ULK4: variants seen among roughly 807,000 people sequenced by gnomAD.
ULK4 encodes inactive serine/threonine-protein kinase ULK4.
A neutral mutation model predicts 160.6 loss-of-function variants in ULK4; 133 were observed. The observed-to-expected ratio is 0.83, with a 90% confidence interval of 0.72 to 0.96. ULK4 has a LOEUF of 0.96. Among genes scored for constraint, ULK4 ranks in the 40% least tolerant of loss-of-function variants. The pLI is 0.00. For missense variants in ULK4, 1,580 were observed against 1,499.5 expected (o/e 1.05, Z -0.89); for synonymous variants, 534 against 539.8 (o/e 0.99, Z 0.15).
At chr3:41,896,758 G>C (rs1297615895) in intron 15 of ULK4, 64 bp downstream of exon 15, 2 of 1,472,780 alleles carry the variant, frequency 1.4e-6, no homozygotes, top group South Asian at 1.4e-5. Flanking sequence ...TGTTATTTTA[G>C]CACTTGTTTG....
chr3:41,448,659 G>A (rs910957419), intron 34 of ULK4, among the ~76,000 whole-genome samples: 24 of 152,246 alleles, frequency 1.6e-4, no homozygotes, highest in African/African-American at 5.8e-4. Context: ...GCAGGAGGAT[G>A]GTGGTGACCT....
At chr3:41,737,345 C>G (rs777793997) in intron 22 of ULK4, among the ~76,000 whole-genome samples, 1 of 151,968 alleles carries the variant, frequency 6.6e-6, no homozygotes, top group South Asian at 2.1e-4. Flanking sequence ...CTACAAACCA[C>G]TGCTCAATGA....
chr3:41,907,826 A>C lies in ULK4; in HGVS notation c.1182+19T>G. 1 of 1,515,350 alleles carries C rather than the reference A, an allele frequency of 6.6e-7. No homozygotes were observed. Among genetic ancestry groups the C allele is most frequent in the East Asian group, 2.4e-5 (1 of 41,276 alleles). 93.9% of individuals were successfully genotyped at this position (1,515,350 alleles called of 1,614,324 possible). ...CTTCTACATCTTATGTAGGAAGAAA[A>C]TTTCCCAAGTCTGCTCACCTTGGTC... On this transcript the variant is annotated intron_variant, in intron 12 of 36. Coordinates refer to ENST00000301831, the MANE Select transcript of ULK4 (RefSeq NM_017886.4).
chr3:41,523,026 A>G (rs1448372632), intron 32 of ULK4, among the ~76,000 whole-genome samples: 2 of 152,164 alleles, frequency 1.3e-5, no homozygotes, highest in African/African-American at 2.4e-5. Flanking sequence ...ATTCTGCCTC[A>G]GCCTCTTGAG....
chr3:41,641,690 A>G (rs2034202333), intron 30 of ULK4, among the ~76,000 whole-genome samples: 1 of 152,190 alleles, frequency 6.6e-6, no homozygotes, highest in Admixed American at 6.5e-5. Context: ...ACTCAAGCAC[A>G]TGAGTCCTTC....
intron 27 of ULK4, among the ~76,000 whole-genome samples, chr3:41,697,100 T>TA (rs1160717841): frequency 6.6e-6 from 1 of 152,190 alleles, no homozygotes; most frequent in Non-Finnish European, 1.5e-5. Context: ...TTTAAACCAA[T>TA]AAGCTTGTGG....
intron 27 of ULK4, among the ~76,000 whole-genome samples, chr3:41,692,364 G>A (rs974515780): frequency 3.9e-5 from 6 of 152,100 alleles, no homozygotes; most frequent in Middle Eastern, 3.4e-3. Context: ...TCACTGGTAC[G>A]GGGTCACCTT....
At position 41,398,066 on chromosome 3, in the gene ULK4, T is replaced by C; in HGVS notation, c.3678+13A>G. On this transcript the variant is annotated intron_variant, in intron 35 of 36. Transcript: ENST00000301831. ...AGCCACCCACAGTGTCCCCGGTTTC[T>C]GTGTGAACTCACCATTCTTCTGAGA... 6.2e-7 allele frequency: 1 copy of C among 1,609,610 alleles called. No homozygotes were observed. Among genetic ancestry groups the C allele is most frequent in the Non-Finnish European group, 8.5e-7 (1 of 1,177,768 alleles).
chr3:41,356,492 C>T (rs1264811932), intron 35 of ULK4, among the ~76,000 whole-genome samples: 1 of 152,162 alleles, frequency 6.6e-6, no homozygotes, highest in East Asian at 1.9e-4. Flanking sequence ...ATCCTTACTA[C>T]TTATTAAGTG....
At position 41,961,550 on chromosome 3, in the gene ULK4, A is replaced by ACCCCCCCCCCCCCCCCCCCCCCCCC. The variant is rs201424516; in HGVS notation, c.-49+465_-49+466insGGGGGGGGGGGGGGGGGGGGGGGGG. 4.0e-5 allele frequency among the ~76,000 whole-genome samples: 5 copies of ACCCCCCCCCCCCCCCCCCCCCCCCC among 124,716 alleles called. 1 individual carries two copies. Among genetic ancestry groups the ACCCCCCCCCCCCCCCCCCCCCCCCC allele is most frequent in the African/African-American group, 8.5e-5 (2 of 23,492 alleles). 81.8% of individuals were successfully genotyped at this position (124,716 alleles called of 152,430 possible). A position where few individuals can be genotyped will look rare whatever the true frequency, so the allele number is the denominator to read the frequency against. On this transcript the variant is annotated intron_variant, in intron 1 of 36. Coordinates refer to ENST00000301831, the MANE Select transcript of ULK4 (RefSeq NM_017886.4). ...ACTCAGGGGCGCTACGTAGTCACTC[A>ACCCCCCCCCCCCCCCCCCCCCCCCC]CCCCCCCCCCCCCCCCCCCCGCTCC...
intron 8 of ULK4, 97 bp downstream of exon 8, chr3:41,915,880 A>G (rs894217246): frequency 2.0e-5 from 16 of 812,514 alleles, no homozygotes; most frequent in South Asian, 1.2e-4. Context: ...TAAAAGGGGG[A>G]AAAGATTTCA....
chr3:41,556,487 CTTTTTTTT>C (rs34888775), intron 32 of ULK4, among the ~76,000 whole-genome samples: 1 of 117,082 alleles, frequency 8.5e-6, no homozygotes, highest in Admixed American at 1.0e-4. Context: ...CTCTACCAAA[CTTTTTTTT>C]TTTTTTTTTT....
At chr3:41,591,668 T>G (rs1192592784) in intron 31 of ULK4, among the ~76,000 whole-genome samples, 1 of 152,232 alleles carries the variant, frequency 6.6e-6, no homozygotes, top group Non-Finnish European at 1.5e-5. Flanking sequence ...CTTATTTTTA[T>G]ATTTAAATTT....
At chr3:41,782,445 T>A (rs1290573170) in intron 21 of ULK4, among the ~76,000 whole-genome samples, 1 of 152,158 alleles carries the variant, frequency 6.6e-6, no homozygotes, top group Non-Finnish European at 1.5e-5. Context: ...AATAACTTAC[T>A]GTGACTCACC....
At chr3:41,290,005 A>G (rs984417717) in intron 35 of ULK4, among the ~76,000 whole-genome samples, 1 of 152,022 alleles carries the variant, frequency 6.6e-6, no homozygotes, top group African/African-American at 2.4e-5. Flanking sequence ...CCTCCCAAGT[A>G]GCTGGGATTG....
chr3:41,385,077 T>G (rs1473133526), intron 35 of ULK4, among the ~76,000 whole-genome samples: 6 of 151,904 alleles, frequency 3.9e-5, no homozygotes, highest in Non-Finnish European at 5.9e-5. Context: ...AAGTATTAAG[T>G]AGATATTAAT....
rs1200866977 is a variant in ULK4 at position 41,455,536 on chromosome 3, G to T, written c.3453C>A (p.Asn1151Lys). The T allele has an allele frequency of 1.2e-6, 2 of 1,614,054 alleles. No individual in the cohort carries two copies. Among genetic ancestry groups the T allele is most frequent in the Non-Finnish European group, 1.7e-6 (2 of 1,179,932 alleles). The stretch of plus-strand genomic sequence containing the variant: ...GGCTAATCAGGTCTGTCAGAGGTCT[G>T]TTGAGCAGCAGCAGGTCTTCTGCAG... ...PQAAEDLLLL[N>K]RPLTDLISLL... The change falls in exon 34 of 37, where the codon AAC becomes AAA. Residue 1151 changes from asparagine (N) to lysine (K), a missense_variant. Physicochemically the swap from Asn to Lys is moderately conservative, Grantham distance 94. Coordinates refer to ENST00000301831, the MANE Select transcript of ULK4 (RefSeq NM_017886.4).
rs143125541 is a variant in ULK4 at position 41,404,760 on chromosome 3, C to T, written c.3493-6496G>A. ...GTGCATGTGCTCAGGCTCTCTCTCT[C>T]GCCCTCTTGCACTTCCTTCATGTGA... On this transcript the variant is annotated intron_variant, in intron 34 of 36. Coordinates refer to ENST00000301831, the MANE Select transcript of ULK4 (RefSeq NM_017886.4). 1.6e-3 allele frequency among the ~76,000 whole-genome samples: 240 copies of T among 152,284 alleles called. 2 individuals carry two copies. The highest frequency in any genetic ancestry group is 6.9e-3 in the Admixed American group (105 of 15,298).
At chr3:41,756,797 C>T (rs2038818259) in intron 21 of ULK4, among the ~76,000 whole-genome samples, 1 of 152,164 alleles carries the variant, frequency 6.6e-6, no homozygotes, top group African/African-American at 2.4e-5. Context: ...ATATTGGAGC[C>T]TGTCTCATGT....
Sources: gnomAD v4.1 joint callset for allele counts (sites outside exome capture counted in the v4.1 genomes callset) on GRCh38, gnomAD v4.1.1 for gene constraint, MANE v1.5 for transcripts, NCBI Gene and HGNC (gene_info 2026-07-23, HGNC 2026-07-21) for gene names.